The following ECSIT variants were observed in gnomAD, a reference collection of about 807,000 sequenced individuals.
The protein encoded by ECSIT is ECSIT signaling integrator.
In ECSIT, 29 loss-of-function variants were observed where a neutral mutation model predicts 36.8. That is an observed-to-expected ratio of 0.79 (90% CI 0.59 to 1.08). The LOEUF (loss-of-function observed/expected upper bound fraction) is 1.08. ECSIT is among the 50% of genes least tolerant of loss of function. The pLI is 0.00. For synonymous variants in ECSIT, 231 were observed against 234.8 expected (o/e 0.98, Z 0.15); for missense variants, 542 against 581.0 (o/e 0.93, Z 0.69).
chr19:11,513,123 A>G lies in ECSIT; in HGVS notation c.671T>C (p.Val224Ala). Residue 224 changes from valine (V) to alanine (A), a missense_variant, in exon 4 of 8, where the codon GTG becomes GCG. Coordinates refer to ENST00000270517, the MANE Select transcript of ECSIT (RefSeq NM_016581.5). ...CCGCAGGCCAAACATGGCCAGCTCC[A>G]CAGGGTCCTGGGGCAGGTCCCGGGG... Reference protein sequence around the residue: ...PVPRDLPQDPVELAMFGLRHM... With the variant: ...PVPRDLPQDPAELAMFGLRHM... 6.2e-7 allele frequency: 1 copy of G among 1,614,240 alleles called. No homozygotes were observed. Among genetic ancestry groups the G allele is most frequent in the Non-Finnish European group, 8.5e-7 (1 of 1,180,050 alleles).
intron 1 of ECSIT, chr19:11,525,681 C>T (rs1190076362): frequency 6.7e-6 from 1 of 149,986 alleles, no homozygotes; most frequent in East Asian, 2.0e-4. Flanking sequence ...GCCAGCTGAT[C>T]ACCTGAGGTC....
intron 1 of ECSIT, among the ~76,000 whole-genome samples, chr19:11,524,930 A>G (rs1454811432): frequency 6.6e-6 from 1 of 151,642 alleles, no homozygotes; most frequent in African/African-American, 2.4e-5. Flanking sequence ...CAAGGTCAGG[A>G]GTTCAAGACC....
Position 11,507,817 on chromosome 19 carries a change from G to A in ECSIT, c.830C>T (p.Ala277Val), listed in dbSNP as rs1356886731. ...GACAGGCCGGGCTGGATTGTGGCGG[G>A]CCAGGGCGGCCTGCTGATCGGGACT... ...IQSPDQQAAL[A>V]RHNPARPVFV... The change falls in exon 6 of 8, where the codon GCC (alanine) becomes GTC (valine). Residue 277 changes from alanine (A) to valine (V), a missense_variant. By Grantham distance (64) the Ala-to-Val change is moderately conservative. Coordinates refer to ENST00000270517, the MANE Select transcript of ECSIT (RefSeq NM_016581.5). 2.5e-6 allele frequency: 4 copies of A among 1,613,508 alleles called. No individual in the cohort carries two copies. Among genetic ancestry groups the A allele is most frequent in the East Asian group, 2.2e-5 (1 of 44,882 alleles).
intron 2 of ECSIT, among the ~76,000 whole-genome samples, chr19:11,514,909 G>GC (rs891113458): frequency 6.6e-6 from 1 of 150,582 alleles, no homozygotes; most frequent in African/African-American, 2.4e-5. Flanking sequence ...CGTGACCTCA[G>GC]CCCACTGCAA....
chr19:11,506,196 C>T lies in ECSIT; in HGVS notation c.1284G>A (p.Gln428=), dbSNP rs1436342801. ...EEDDNLQRQQ[Q]GQS ...GCGCCGGCTCAGACTAGCTCTGGCC[C>T]TGCTGCTGTCGCTGCAGGTTGTCGT... Residue 428 remains glutamine (Q), a synonymous_variant, in exon 8 of 8, where the codon CAG becomes CAA. Transcript: ENST00000270517. The T allele has an allele frequency of 6.2e-7, 1 of 1,605,820 alleles. No individual in the cohort carries two copies. Among genetic ancestry groups the T allele is most frequent in the South Asian group, 1.1e-5 (1 of 91,068 alleles).
intron 7 of ECSIT, among the ~76,000 whole-genome samples, chr19:11,506,966 C>G (rs778320762): frequency 6.6e-6 from 1 of 152,212 alleles, no homozygotes; most frequent in Non-Finnish European, 1.5e-5. Context: ...CCTGACCCCC[C>G]ACTCAAGGCA....
chr19:11,524,623 C>A (rs1220971572), intron 1 of ECSIT, among the ~76,000 whole-genome samples: 1 of 150,698 alleles, frequency 6.6e-6, no homozygotes, highest in Admixed American at 6.7e-5. Flanking sequence ...ATCACTTGAG[C>A]CCGGGAGATC....
intron 4 of ECSIT, 147 bp from the exon 5 acceptor site, chr19:11,508,195 C>T (rs1971797298): frequency 2.1e-6 from 2 of 947,558 alleles, no homozygotes; most frequent in Non-Finnish European, 3.4e-6. Flanking sequence ...CCCCTCCTCC[C>T]TCTGTCCCAT....
rs1972110138 is a variant in ECSIT, at chr19:11,521,814, G to A, written c.-23-2621C>T. Among the ~76,000 whole-genome samples, 2 of 152,156 alleles carry A rather than the reference G, an allele frequency of 1.3e-5. 1 individual carries two copies. The highest frequency in any genetic ancestry group is 4.1e-4 in the South Asian group (2 of 4,820). On this transcript the variant is annotated intron_variant, in intron 1 of 7. Transcript: ENST00000270517. The stretch of plus-strand genomic sequence containing the variant: ...AGACCAGGTGTGGTGGCTCACGCCT[G>A]TAATCCCAGCACTTTGGGAGGCCAG...
intron 1 of ECSIT, among the ~76,000 whole-genome samples, chr19:11,525,894 A>T (rs1254837081): frequency 6.6e-6 from 1 of 151,444 alleles, no homozygotes; most frequent in Non-Finnish European, 1.5e-5. Context: ...CAGCCTGGGC[A>T]ACAAGAGCGA....
At chr19:11,521,387 C>T (rs965027247) in intron 1 of ECSIT, among the ~76,000 whole-genome samples, 9 of 151,956 alleles carry the variant, frequency 5.9e-5, no homozygotes, top group Admixed American at 1.3e-4. Context: ...TTTCACATTC[C>T]CATCGGCAAC....
At chr19:11,525,656 C>T (rs927937338) in intron 1 of ECSIT, 3 of 151,100 alleles carry the variant, frequency 2.0e-5, no homozygotes, top group East Asian at 2.0e-4. Flanking sequence ...AATCCCAGCA[C>T]GTTGGGAGGT....
rs1971727818 is a variant in ECSIT at position 11,506,079 on chromosome 19, G to A, written c.*105C>T. ...ATACTGCTAGAGATGAGGGAAGAGA[G>A]CCCCAAGCAGGAAAACATTGATTTG... On this transcript the variant is annotated 3_prime_UTR_variant, in exon 8 of 8. Coordinates refer to ENST00000270517, the MANE Select transcript of ECSIT (RefSeq NM_016581.5). 4.0e-6 allele frequency: 6 copies of A among 1,506,548 alleles called. No individual in the cohort carries two copies. The South Asian group carries it at 5.0e-5, about 13-fold the overall frequency. The allele number at this position is 1,506,548 out of a possible 1,614,324, so 93.3% of individuals were successfully genotyped here. A position where few individuals can be genotyped will look rare whatever the true frequency, so the allele number is the denominator to read the frequency against.
At chr19:11,513,398 G>A (rs913269508) in intron 3 of ECSIT, 119 bp from the exon 4 acceptor site, 12 of 936,338 alleles carry the variant, frequency 1.3e-5, no homozygotes, top group African/African-American at 3.3e-5. Flanking sequence ...AAGAATCAGA[G>A]AGAATTAGAA....
At chr19:11,509,308 GGT>G (rs1971822275) in intron 4 of ECSIT, among the ~76,000 whole-genome samples, 1 of 151,014 alleles carries the variant, frequency 6.6e-6, no homozygotes. Flanking sequence ...CCCAACCTCA[GGT>G]GATCCACCTG....
At chr19:11,520,094 C>T (rs556247317) in intron 1 of ECSIT, 22 of 152,074 alleles carry the variant, frequency 1.4e-4, no homozygotes, top group Admixed American at 5.9e-4. Context: ...CTCCCTATGC[C>T]GGCCATTTCA....
At chr19:11,524,107 G>T (rs1972163312) in intron 1 of ECSIT, among the ~76,000 whole-genome samples, 1 of 151,962 alleles carries the variant, frequency 6.6e-6, no homozygotes, top group Non-Finnish European at 1.5e-5. Context: ...TTTTATAGAG[G>T]CTGGGTTTCC....
In ECSIT at chr19:11,514,518, G is replaced by GT. The variant is rs60816141; in HGVS notation, c.97-298dup. Among the ~76,000 whole-genome samples the GT allele has an allele frequency of 1.1e-3, 156 of 145,200 alleles. 2 individuals carry two copies. Among genetic ancestry groups the GT allele is most frequent in the Middle Eastern group, 0.01 (3 of 286 alleles). Reference sequence around the variant, plus strand: ...CACACACATGCCGGTTTTTTTTTGGGTTTTTTTTTTTGGTTTTTTTTTGAG... The same window carrying GT: ...CACACACATGCCGGTTTTTTTTTGGGTTTTTTTTTTTTGGTTTTTTTTTGAG... On this transcript the variant is annotated intron_variant, in intron 2 of 7. Coordinates refer to ENST00000270517, the MANE Select transcript of ECSIT (RefSeq NM_016581.5).
At position 11,506,226 on chromosome 19, in the gene ECSIT, T is replaced by C. The variant is rs1431152254; in HGVS notation, c.1254A>G (p.Glu418=). The C allele has an allele frequency of 3.7e-6, 6 of 1,608,644 alleles. No individual in the cohort carries two copies. The highest frequency in any genetic ancestry group is 1.3e-5 in the African/African-American group (1 of 74,954). Residue 418 remains glutamate, a synonymous_variant, in exon 8 of 8, where the codon GAA becomes GAG. Coordinates refer to ENST00000270517, the MANE Select transcript of ECSIT (RefSeq NM_016581.5). The part of the protein sequence containing the change: ...EEPPLPEDHQ[E]EDDNLQRQQQ... ...GCTGTCGCTGCAGGTTGTCGTCTTC[T>C]TCCTGGTGGTCCTCGGGCAGGGGCG...
Sources: allele counts gnomAD v4.1 joint callset (sites outside exome capture counted in the v4.1 genomes callset), GRCh38; gene constraint gnomAD v4.1.1; transcripts MANE v1.5; gene names NCBI Gene and HGNC (gene_info 2026-07-23, HGNC 2026-07-21).